ABI2: variants seen among roughly 807,000 people sequenced by gnomAD.
The protein encoded by ABI2 is abl interactor 2.
Under a neutral mutation model 59.2 loss-of-function variants are expected in ABI2, and 25 were observed. The observed-to-expected ratio is 0.42, with a 90% confidence interval of 0.31 to 0.59. ABI2 has a LOEUF of 0.59. ABI2 is among the 20% of genes least tolerant of loss of function. ABI2 has a pLI of 0.14. For synonymous variants in ABI2, 213 were observed against 235.5 expected (o/e 0.90, Z 0.87); for missense variants, 545 against 681.8 (o/e 0.80, Z 2.23).
chr2:203,351,509 T>C, intron 1 of ABI2: 1 of 422,902 alleles, frequency 2.4e-6, no homozygotes, highest in South Asian at 1.7e-5. Context: ...CTTTCAATGA[T>C]GTTTTGTAGT....
At chr2:203,372,384 C>G (rs2095303374) in intron 2 of ABI2, among the ~76,000 whole-genome samples, 1 of 152,150 alleles carries the variant, frequency 6.6e-6, no homozygotes, top group Non-Finnish European at 1.5e-5. Context: ...CACCTTTCCC[C>G]CCTTTCTATT....
At chr2:203,398,242 G>T (rs756869910) in intron 8 of ABI2, among the ~76,000 whole-genome samples, 4 of 152,084 alleles carry the variant, frequency 2.6e-5, no homozygotes, top group Non-Finnish European at 5.9e-5. Flanking sequence ...GGTGTTTTTT[G>T]ATCCAGATAC....
At chr2:203,368,727 G>A (rs186127100) in intron 2 of ABI2, among the ~76,000 whole-genome samples, 4 of 151,906 alleles carry the variant, frequency 2.6e-5, no homozygotes, top group African/African-American at 9.6e-5. Context: ...AAAAAAAATT[G>A]GTGCGTTTTA....
intron 4 of ABI2, 136 bp downstream of exon 4, chr2:203,382,342 A>T: frequency 1.2e-6 from 1 of 801,310 alleles, no homozygotes; most frequent in East Asian, 2.8e-5. Flanking sequence ...ATTTTTTGTC[A>T]TGCAACTTTG....
intron 1 of ABI2, among the ~76,000 whole-genome samples, chr2:203,343,321 G>A (rs1018854080): frequency 2.0e-5 from 3 of 152,124 alleles, no homozygotes; most frequent in Non-Finnish European, 2.9e-5. Flanking sequence ...CTGAGATTGC[G>A]GCACTGCACT....
chr2:203,392,892 A>T (rs2096823027), intron 5 of ABI2, among the ~76,000 whole-genome samples: 1 of 151,758 alleles, frequency 6.6e-6, no homozygotes, highest in East Asian at 1.9e-4. Context: ...GCTGAGGCCC[A>T]CTCTGCTAGT....
At chr2:203,392,313 AC>A (rs1388852887) in intron 5 of ABI2, among the ~76,000 whole-genome samples, 2,519 of 73,502 alleles carry the variant, frequency 0.034, 77 homozygotes, top group African/African-American at 0.098. Context: ...CACCACCACC[AC>A]CAACAACAAC....
intron 1 of ABI2, among the ~76,000 whole-genome samples, chr2:203,366,448 T>C (rs1241903776): frequency 6.6e-6 from 1 of 152,226 alleles, no homozygotes; most frequent in Non-Finnish European, 1.5e-5. Context: ...AACATTATTA[T>C]CACTTTAATC....
intron 9 of ABI2, 44 bp from the exon 10 acceptor site, chr2:203,411,241 C>T (rs1679282983): frequency 7.1e-7 from 1 of 1,400,806 alleles, no homozygotes; most frequent in African/African-American, 1.4e-5. Context: ...TTTAATGTAA[C>T]TCGCCCTTAT....
chr2:203,353,214 TATC>T (rs1445725919), intron 1 of ABI2, among the ~76,000 whole-genome samples: 4 of 152,254 alleles, frequency 2.6e-5, no homozygotes, highest in African/African-American at 9.6e-5. Context: ...AGATTACAAT[TATC>T]ATATAAAAAT....
At position 203,431,237 on chromosome 2, in the gene ABI2, T is replaced by C. The variant is rs1233447656; in HGVS notation, c.*3885T>C. The stretch of plus-strand genomic sequence containing the variant: ...GTCTCATTAGACTGATGAGGTGAGT[T>C]TTCTTCTTCATATGAACAGCTAGTT... On this transcript the variant is annotated 3_prime_UTR_variant, in exon 12 of 12. Transcript: ENST00000261018. 3 of 152,604 alleles carry C rather than the reference T, an allele frequency of 2.0e-5. No homozygotes were observed. Among genetic ancestry groups the C allele is most frequent in the African/African-American group, 7.2e-5 (3 of 41,446 alleles). The allele number at this position is 152,604 out of a possible 1,614,324, so 9.5% of individuals were successfully genotyped here.
intron 11 of ABI2, among the ~76,000 whole-genome samples, chr2:203,424,048 T>C (rs2098333942): frequency 6.6e-6 from 1 of 152,248 alleles, no homozygotes; most frequent in African/African-American, 2.4e-5. Context: ...TTACATGTGC[T>C]TTATCAGTTC....
chr2:203,422,006 A>G (rs2098234635), intron 11 of ABI2, among the ~76,000 whole-genome samples: 1 of 151,236 alleles, frequency 6.6e-6, no homozygotes, highest in African/African-American at 2.4e-5. Context: ...AGCCAGTTGC[A>G]TGTAGTGGCT....
In ABI2 at chr2:203,341,696, C is replaced by T. The variant is rs756419238; in HGVS notation, c.117+13065C>T. 3.8e-4 allele frequency among the ~76,000 whole-genome samples: 57 copies of T among 151,782 alleles called. 1 individual carries two copies. Among genetic ancestry groups the T allele is most frequent in the Admixed American group, 1.1e-3 (16 of 15,222 alleles). On this transcript the variant is annotated intron_variant, in intron 1 of 11. Transcript: ENST00000261018. Reference sequence around the variant, plus strand: ...CTGCACTCCAGCCTGGGCAACAGAGCGAGACTCCATCTCAAAAAAAAACAA... The same window carrying T: ...CTGCACTCCAGCCTGGGCAACAGAGTGAGACTCCATCTCAAAAAAAAACAA...
intron 8 of ABI2, among the ~76,000 whole-genome samples, 162 bp from the exon 9 acceptor site, chr2:203,402,414 T>A (rs945300732): frequency 6.6e-6 from 1 of 152,242 alleles, no homozygotes; most frequent in East Asian, 1.9e-4. Context: ...TACTCTGATA[T>A]AATATCAGCG....
chr2:203,339,595 A>C (rs1394588259), intron 1 of ABI2, among the ~76,000 whole-genome samples: 1 of 151,610 alleles, frequency 6.6e-6, no homozygotes, highest in Non-Finnish European at 1.5e-5. Flanking sequence ...AAAAAAAAAA[A>C]AAGAAAAAGA....
chr2:203,419,106 C>CTTT (rs748788810), intron 11 of ABI2, among the ~76,000 whole-genome samples: 28 of 126,288 alleles, frequency 2.2e-4, no homozygotes, highest in Non-Finnish European at 2.5e-4. Context: ...AATTAAAGAT[C>CTTT]TTTTTTTTTT....
At chr2:203,416,813 G>A in intron 10 of ABI2, 95 bp from the exon 11 acceptor site, 1 of 1,271,576 alleles carries the variant, frequency 7.9e-7, no homozygotes, top group East Asian at 2.5e-5. Context: ...TTATTTTCAA[G>A]TCTAGGTTTA....
chr2:203,411,114 CTTTG>C (rs1314666152), intron 9 of ABI2, among the ~76,000 whole-genome samples, 167 bp from the exon 10 acceptor site: 5 of 152,112 alleles, frequency 3.3e-5, no homozygotes, highest in East Asian at 1.9e-4. Context: ...TCCCCCAGTA[CTTTG>C]TTTGTGTTAA....
Sources: gnomAD v4.1 joint callset for allele counts (sites outside exome capture counted in the v4.1 genomes callset) on GRCh38, gnomAD v4.1.1 for gene constraint, MANE v1.5 for transcripts, NCBI Gene and HGNC (gene_info 2026-07-23, HGNC 2026-07-21) for gene names.